Variants in TMEM132D observed in about 807,000 individuals in gnomAD.
TMEM132D encodes transmembrane protein 132D.
TMEM132D carries 21 observed loss-of-function variants against 62.3 expected under a neutral mutation model. That is an observed-to-expected ratio of 0.34 (90% confidence interval 0.24 to 0.49). The LOEUF is 0.49. Ranked by LOEUF, TMEM132D falls within the 20% of genes least tolerant of loss-of-function variation. The pLI, the probability that TMEM132D is intolerant of heterozygous loss-of-function variation, is 0.99. For missense variants in TMEM132D, 1,346 were observed against 1,402.8 expected (o/e 0.96, Z 0.65); for synonymous variants, 621 against 575.6 (o/e 1.08, Z -1.13).
intron 3 of TMEM132D, among the ~76,000 whole-genome samples, chr12:129,468,987 CTCTG>C (rs1364823742): frequency 1.3e-5 from 2 of 152,200 alleles, no homozygotes; most frequent in Admixed American, 1.3e-4. Context: ...GTGACAGACA[CTCTG>C]TCTCCTACAC....
intron 3 of TMEM132D, among the ~76,000 whole-genome samples, chr12:129,515,819 C>T (rs7309650): frequency 0.69 from 104,570 of 152,056 alleles, 36,457 homozygotes; most frequent in Admixed American, 0.74. Context: ...TCATTGAACC[C>T]ATGCATAAAG....
chr12:129,881,846 TTTGAG>T (rs1384797099), intron 1 of TMEM132D, among the ~76,000 whole-genome samples: 8 of 151,974 alleles, frequency 5.3e-5, no homozygotes, highest in African/African-American at 1.4e-4. Context: ...AAGCTGCCTC[TTTGAG>T]TTAACAGATA....
intron 4 of TMEM132D, among the ~76,000 whole-genome samples, chr12:129,291,386 A>G (rs1881442555): frequency 6.6e-6 from 1 of 152,188 alleles, no homozygotes; most frequent in Non-Finnish European, 1.5e-5. Context: ...TATCTTATCT[A>G]TAATCTTTCC....
At chr12:129,183,316 C>T (rs959262886) in intron 5 of TMEM132D, among the ~76,000 whole-genome samples, 3 of 152,252 alleles carry the variant, frequency 2.0e-5, no homozygotes, top group Admixed American at 6.5e-5. Flanking sequence ...TGAGAGTGGC[C>T]GCTGTCGAGA....
intron 5 of TMEM132D, among the ~76,000 whole-genome samples, chr12:129,182,560 C>A (rs1352961640): frequency 6.6e-6 from 1 of 152,204 alleles, no homozygotes; most frequent in Non-Finnish European, 1.5e-5. Flanking sequence ...GTCGCCTCTT[C>A]CTGGAGAAGA....
At chr12:129,084,369 A>G (rs1318359945) in intron 6 of TMEM132D, 128 bp downstream of exon 6, 1 of 939,116 alleles carries the variant, frequency 1.1e-6, no homozygotes, top group African/African-American at 1.7e-5. Flanking sequence ...GAGCAAATCC[A>G]AGCTGAGCGG....
At chr12:129,094,910 T>C (rs536592723) in intron 5 of TMEM132D, among the ~76,000 whole-genome samples, 82 of 151,918 alleles carry the variant, frequency 5.4e-4, no homozygotes, top group Middle Eastern at 3.4e-3. Context: ...GAAACCACCA[T>C]TCTCAGCAAA....
At chr12:129,504,638 T>A (rs1875274450) in intron 3 of TMEM132D, among the ~76,000 whole-genome samples, 1 of 152,210 alleles carries the variant, frequency 6.6e-6, no homozygotes, top group South Asian at 2.1e-4. Flanking sequence ...TTGTTAATAG[T>A]CTATCAATTT....
intron 2 of TMEM132D, among the ~76,000 whole-genome samples, chr12:129,633,029 G>A (rs1593097878): frequency 6.6e-6 from 1 of 152,134 alleles, no homozygotes; most frequent in Admixed American, 6.5e-5. Context: ...TAGGATGCTT[G>A]GCTTAAATGT....
chr12:129,258,168 G>A (rs2135594079), intron 4 of TMEM132D, among the ~76,000 whole-genome samples: 1 of 152,252 alleles, frequency 6.6e-6, no homozygotes, highest in Non-Finnish European at 1.5e-5. Context: ...TAAATGCCCT[G>A]AACTTCATTA....
At chr12:129,691,386 A>C (rs1819441643) in intron 2 of TMEM132D, among the ~76,000 whole-genome samples, 1 of 152,022 alleles carries the variant, frequency 6.6e-6, no homozygotes, top group Non-Finnish European at 1.5e-5. Flanking sequence ...AAATCTACAA[A>C]ACCAAATGTT....
intron 1 of TMEM132D, chr12:129,840,167 C>T (rs1260739223): frequency 6.6e-6 from 1 of 152,192 alleles, no homozygotes; most frequent in Admixed American, 6.5e-5. Flanking sequence ...TGCACACACC[C>T]TGGGTGAGAG....
intron 4 of TMEM132D, among the ~76,000 whole-genome samples, chr12:129,229,841 T>A (rs73420149): frequency 0.048 from 7,344 of 152,262 alleles, 355 homozygotes; most frequent in African/African-American, 0.12. Context: ...GGGAGCCAAG[T>A]CTTGATTATC....
intron 4 of TMEM132D, among the ~76,000 whole-genome samples, chr12:129,276,114 C>T (rs1033201356): frequency 6.6e-6 from 1 of 152,158 alleles, no homozygotes; most frequent in African/African-American, 2.4e-5. Flanking sequence ...CAGGTTCTTC[C>T]CCCAAACTAG....
chr12:129,551,360 C>A (rs1028227478), intron 2 of TMEM132D, among the ~76,000 whole-genome samples: 31 of 152,290 alleles, frequency 2.0e-4, no homozygotes, highest in African/African-American at 7.2e-4. Flanking sequence ...GCCTGCCTGC[C>A]CTGGGTCTGC....
chr12:129,843,102 CT>C (rs1432952669), intron 1 of TMEM132D, among the ~76,000 whole-genome samples: 2 of 152,078 alleles, frequency 1.3e-5, no homozygotes, highest in East Asian at 3.9e-4. Flanking sequence ...ATAGTATATT[CT>C]GTAAATAGTA....
At chr12:129,186,115 T>A (rs999101179) in intron 5 of TMEM132D, among the ~76,000 whole-genome samples, 1 of 152,164 alleles carries the variant, frequency 6.6e-6, no homozygotes, top group Non-Finnish European at 1.5e-5. Context: ...AGCCTCTGAC[T>A]GTTCCGCTGC....
At chr12:129,883,756 C>T (rs1175073648) in intron 1 of TMEM132D, among the ~76,000 whole-genome samples, 1 of 152,136 alleles carries the variant, frequency 6.6e-6, no homozygotes, top group African/African-American at 2.4e-5. Context: ...TACGGTCAGA[C>T]AACCTTGACA....
In TMEM132D at chr12:129,398,704, C is replaced by T. The variant is rs763937786; in HGVS notation, c.1116-60887G>A. ...GATTGGATGTCCAAATAAAGATCTT[C>T]TGTTACATCCTAGCCACCAAGCAAT... On this transcript the variant is annotated intron_variant, in intron 3 of 8. Transcript: ENST00000422113. Among the ~76,000 whole-genome samples the T allele has an allele frequency of 2.0e-4, 30 of 152,172 alleles. 1 individual carries two copies. The highest frequency in any genetic ancestry group is 4.0e-4 in the Non-Finnish European group (27 of 68,028).
Sources: allele counts gnomAD v4.1 joint callset (sites outside exome capture counted in the v4.1 genomes callset), GRCh38; gene constraint gnomAD v4.1.1; transcripts MANE v1.5; gene names NCBI Gene and HGNC (gene_info 2026-07-23, HGNC 2026-07-21).